ATG9B: variants seen among roughly 807,000 people sequenced by gnomAD.
ATG9B encodes autophagy-related protein 9B.
ATG9B carries 92 observed loss-of-function variants against 92.9 expected under a neutral mutation model. That is an observed-to-expected ratio of 0.99 (90% CI 0.84 to 1.18). The LOEUF (loss-of-function observed/expected upper bound fraction) is 1.18. ATG9B is among the 50% of genes most tolerant of loss of function. ATG9B has a pLI of 0.00. For missense variants in ATG9B, 1,344 were observed against 1,235.0 expected, an observed-to-expected ratio of 1.09 and a Z score of -1.32; for synonymous variants, 599 against 551.4, an observed-to-expected ratio of 1.09 and a Z score of -1.21.
chr7:151,018,145 G>A lies in ATG9B; in HGVS notation c.1873-95C>T. On this transcript the variant is annotated intron_variant, in intron 7 of 13. Transcript: ENST00000639579. This position sits in a 1 kb window ranked among gnomAD's most constrained non-coding sequence, Gnocchi z 4.7. ...TCCCCAGCGACCCTCGCCAGGGCAA[G>A]AAGCCTCCCCACCCAGTCACTCCCT... 2.0e-6 allele frequency: 3 copies of A among 1,469,912 alleles called. No individual in the cohort carries two copies. The highest frequency in any genetic ancestry group is 2.5e-4 in the Middle Eastern group (1 of 4,014). 91.1% of individuals were successfully genotyped at this position (1,469,912 alleles called of 1,614,324 possible). A position where few individuals can be genotyped will look rare whatever the true frequency, so the allele number is the denominator to read the frequency against.
At position 151,024,148 on chromosome 7, in the gene ATG9B, A is replaced by G; in HGVS notation, c.276T>C (p.Pro92=). The G allele has an allele frequency of 6.3e-7, 1 of 1,580,024 alleles. No individual in the cohort carries two copies. The highest frequency in any genetic ancestry group is 8.6e-7 in the Non-Finnish European group (1 of 1,162,058). Residue 92 remains proline, a synonymous_variant, in exon 1 of 14, where the codon CCT becomes CCC. Coordinates refer to ENST00000639579, the MANE Select transcript of ATG9B (RefSeq NM_001317056.2). ...CCTGTGTTGGGGGGGTGGCTGGGATAGGGAGAGCACTGTGGCAAGACTGAG... is the reference window on the plus strand; with the variant it reads ...CCTGTGTTGGGGGGGTGGCTGGGATGGGGAGAGCACTGTGGCAAGACTGAG... ...GASQSCHSAL[P]IPATPPTQAQ...
At chr7:151,019,761 C>T (rs921135120) in intron 5 of ATG9B, 1 of 182,930 alleles carries the variant, frequency 5.5e-6, no homozygotes, top group African/African-American at 2.3e-5. Context: ...GTGGCTCACA[C>T]CTGTAATCCC....
downstream of ATG9B, chr7:151,014,001 C>T (rs771308563): frequency 1.2e-6 from 2 of 1,611,620 alleles, no homozygotes; most frequent in Non-Finnish European, 1.7e-6. Context: ...GTGCTCTTTT[C>T]CGACAGGATC....
Position 151,016,732 on chromosome 7 carries a change from TGTGGCCGCAGCTGGACA to T in ATG9B, c.2362_2378del (p.Cys788SerfsTer60), listed in dbSNP as rs755425564. On this transcript the variant is annotated frameshift_variant, in exon 10 of 14. Transcript: ENST00000639579. LOFTEE classifies it high-confidence loss of function. ...GGGAAATGGAGGCAAGGAGGCTGGC[TGTGGCCGCAGCTGGACA>T]GGGGGCTGTCGGGCTCAGATCTCTC... 6.2e-7 allele frequency: 1 copy of T among 1,611,532 alleles called. No individual in the cohort carries two copies.
intron 3 of ATG9B, 29 bp downstream of exon 3, chr7:151,023,416 G>A (rs370142999): frequency 8.6e-5 from 139 of 1,611,762 alleles, no homozygotes; most frequent in Non-Finnish European, 1.0e-4. Flanking sequence ...CCAGGGGACC[G>A]AGTTCCGGGC....
At chr7:151,014,450 T>C (rs1001840124), downstream of ATG9B, 35 of 456,936 alleles carry the variant, frequency 7.7e-5, no homozygotes, top group Middle Eastern at 5.7e-4. Flanking sequence ...CTTAGTCGAA[T>C]GTTAGATTCC....
intron 11 of ATG9B, 21 bp from the exon 12 acceptor site, chr7:151,016,256 A>C (rs755066813): frequency 5.8e-5 from 86 of 1,485,060 alleles, no homozygotes; most frequent in Non-Finnish European, 7.4e-5. Flanking sequence ...AGGAGGAGGA[A>C]TGAGGGCTGC....
Position 151,024,132 on chromosome 7 carries a change from G to C in ATG9B, c.292C>G (p.Pro98Ala), listed in dbSNP as rs755526299. Residue 98 changes from proline (P) to alanine (A), a missense_variant, in exon 1 of 14, where the codon CCA becomes GCA. Physicochemically the swap from Pro to Ala is conservative, Grantham distance 27. Transcript: ENST00000639579. Reference sequence around the variant, plus strand: ...GTCATTGCAGGTTGAGCCTGTGTTGGGGGGGTGGCTGGGATAGGGAGAGCA... The same window carrying C: ...GTCATTGCAGGTTGAGCCTGTGTTGCGGGGGTGGCTGGGATAGGGAGAGCA... ...HSALPIPATP[P>A]TQAQPAMTPA... 1.1e-5 allele frequency: 18 copies of C among 1,592,126 alleles called. No individual in the cohort carries two copies. The Admixed American group carries it at 2.2e-4, about 20-fold the overall frequency.
rs556697796 is a variant in ATG9B, at chr7:151,023,462, C to T, written c.642G>A (p.Glu214=). 14 of 1,613,076 alleles carry T rather than the reference C, an allele frequency of 8.7e-6. No individual in the cohort carries two copies. The highest frequency in any genetic ancestry group is 1.2e-5 in the Non-Finnish European group (14 of 1,179,604). Residue 214 remains glutamate (E), a synonymous_variant, in exon 3 of 14, where the codon GAG becomes GAA. Transcript: ENST00000639579. ...QRNGFACILL[E]DVFQLGQFIF... is the part of the protein sequence containing the mutation. ...CGTCTCACCCCAGCTGGAAGACATC[C>T]TCCAGCAAGATGCAGGCAAAGCCAT...
intron 11 of ATG9B, 65 bp downstream of exon 11, chr7:151,016,366 C>T (rs1795484005): frequency 3.3e-6 from 5 of 1,524,840 alleles, no homozygotes; most frequent in Non-Finnish European, 4.4e-6. Context: ...TCCACCCCAC[C>T]TCAGTCTCCA....
At chr7:151,013,843 G>T, downstream of ATG9B, 3 of 1,606,256 alleles carry the variant, frequency 1.9e-6, no homozygotes, top group Non-Finnish European at 2.5e-6. Flanking sequence ...ACGTCCTGCA[G>T]ACCGTGCAGC....
chr7:151,015,954 C>A lies in ATG9B; in HGVS notation c.2717G>T (p.Gly906Val), dbSNP rs187407160. 2.6e-6 allele frequency: 4 copies of A among 1,551,536 alleles called. No individual in the cohort carries two copies. In the Admixed American group the frequency reaches 5.9e-5, roughly 23 times the overall value. ...TQKARNLFPGGFQVTTDTQKE... is the reference protein window; with the variant it reads ...TQKARNLFPGVFQVTTDTQKE... The stretch of plus-strand genomic sequence containing the variant: ...CTGGGTGTCTGTGGTCACCTGAAAC[C>A]CTCCGGGGAACAGATTCCGGGCCTT... Residue 906 changes from glycine to valine, a missense_variant, in exon 13 of 14, where the codon GGG becomes GTG. Coordinates refer to ENST00000639579, the MANE Select transcript of ATG9B (RefSeq NM_001317056.2).
intron 5 of ATG9B, 194 bp downstream of exon 5, chr7:151,020,994 G>GT: frequency 1.6e-6 from 1 of 620,702 alleles, no homozygotes; most frequent in South Asian, 2.0e-5. Flanking sequence ...CTCCCTTAGG[G>GT]TAAGGGCCAT....
intron 11 of ATG9B, 31 bp from the exon 12 acceptor site, chr7:151,016,266 C>T: frequency 6.8e-7 from 1 of 1,478,794 alleles, no homozygotes; most frequent in Non-Finnish European, 9.0e-7. Context: ...ATGAGGGCTG[C>T]ACCCCAAGGA....
At position 151,016,977 on chromosome 7, in the gene ATG9B, G is replaced by C. The variant is rs1439204922; in HGVS notation, c.2289+59C>G. Reference sequence around the variant, plus strand: ...TACCTAAGGTGAGCCTAGAGGGGAAGGGTTTGGAGAGGAGTTGTGGGGGTG... The same window carrying C: ...TACCTAAGGTGAGCCTAGAGGGGAACGGTTTGGAGAGGAGTTGTGGGGGTG... On this transcript the variant is annotated intron_variant, in intron 9 of 13. Transcript: ENST00000639579. 1.1e-5 allele frequency: 17 copies of C among 1,528,636 alleles called. No individual in the cohort carries two copies. In the East Asian group the frequency reaches 4.1e-4, roughly 37 times the overall value. 94.7% of individuals were successfully genotyped at this position (1,528,636 alleles called of 1,614,324 possible). A position where few individuals can be genotyped will look rare whatever the true frequency, so the allele number is the denominator to read the frequency against.
intron 2 of ATG9B, 46 bp downstream of exon 2, chr7:151,023,641 A>G (rs1031855237): frequency 5.5e-5 from 88 of 1,612,264 alleles, no homozygotes; most frequent in Non-Finnish European, 6.7e-5. Context: ...GCCAGCTCCA[A>G]GAGGACCTTC....
intron 5 of ATG9B, 112 bp from the exon 6 acceptor site, chr7:151,019,486 C>G: frequency 7.3e-7 from 1 of 1,376,538 alleles, no homozygotes; most frequent in Non-Finnish European, 9.5e-7. Flanking sequence ...AGTTTGCGAT[C>G]ACAAACTCGC....
In ATG9B at chr7:151,017,124, C is replaced by T. The variant is rs1191968029; in HGVS notation, c.2201G>A (p.Arg734Gln). The change falls in exon 9 of 14, where the codon CGA becomes CAA. Residue 734 changes from arginine (R) to glutamine (Q), a missense_variant. Transcript: ENST00000639579. ...CCAGGCAGCTGCATCTTGTTGTACT[C>T]GGCCCCAGAGGTGCCCAAGAAACTT... ...SSKFLGHLWGRVQQDAAAWGA... is the reference protein window; with the variant it reads ...SSKFLGHLWGQVQQDAAAWGA... 1.2e-6 allele frequency: 2 copies of T among 1,612,360 alleles called. No homozygotes were observed. The highest frequency in any genetic ancestry group is 2.2e-5 in the East Asian group (1 of 44,838).
intron 5 of ATG9B, chr7:151,020,838 T>C: frequency 4.4e-6 from 1 of 224,814 alleles, no homozygotes; most frequent in Non-Finnish European, 8.9e-6. Flanking sequence ...TCCCCTCCCC[T>C]CCTGTCCTGC....
Sources: allele counts gnomAD v4.1 joint callset, GRCh38; gene constraint gnomAD v4.1.1; non-coding constraint Gnocchi (gnomAD v3.1); transcripts MANE v1.5; gene names NCBI Gene and HGNC (gene_info 2026-07-23, HGNC 2026-07-21).